The following PPP2R2B variants were observed in gnomAD, a reference collection of about 807,000 sequenced individuals.
The protein encoded by PPP2R2B is protein phosphatase 2 regulatory subunit Bbeta, also known as serine/threonine-protein phosphatase 2A 55 kDa regulatory subunit B beta isoform.
In PPP2R2B, 5 loss-of-function variants were observed where a neutral mutation model predicts 46.0. The observed-to-expected ratio is 0.11, with a 90% confidence interval of 0.06 to 0.23. The LOEUF is 0.23. Among genes scored for constraint, PPP2R2B ranks in the 10% least tolerant of loss-of-function variants. The pLI, the probability that PPP2R2B is intolerant of heterozygous loss-of-function variation, is 1.00. For missense variants in PPP2R2B, 367 were observed against 575.0 expected, an observed-to-expected ratio of 0.64 and a Z score of 3.70; for synonymous variants, 215 against 206.7, an observed-to-expected ratio of 1.04 and a Z score of -0.34.
chr5:146,874,949 T>C (rs932634131), intron 2 of PPP2R2B, among the ~76,000 whole-genome samples: 2 of 152,234 alleles, frequency 1.3e-5, no homozygotes, highest in African/African-American at 4.8e-5. Flanking sequence ...ATTTTATGCC[T>C]GATGGAAATA....
upstream of PPP2R2B, among the ~76,000 whole-genome samples, chr5:146,880,493 G>T (rs1762130924): frequency 1.3e-5 from 2 of 152,132 alleles, no homozygotes; most frequent in African/African-American, 4.8e-5. Context: ...ATTTGGAGTA[G>T]GAGCAGAGTG....
At chr5:146,893,662 A>C (rs1762556035) in intron 1 of PPP2R2B, among the ~76,000 whole-genome samples, 1 of 152,012 alleles carries the variant, frequency 6.6e-6, no homozygotes, top group Non-Finnish European at 1.5e-5. Context: ...AAAAATACAA[A>C]ATGAGAACAC....
At chr5:146,656,154 A>C (rs1289650821) in intron 5 of PPP2R2B, among the ~76,000 whole-genome samples, 4 of 152,162 alleles carry the variant, frequency 2.6e-5, no homozygotes, top group Non-Finnish European at 5.9e-5. Flanking sequence ...GTACATGAGG[A>C]AAACCTGAGT....
chr5:146,657,323 G>A (rs1004095921), intron 5 of PPP2R2B, among the ~76,000 whole-genome samples: 12 of 152,258 alleles, frequency 7.9e-5, no homozygotes, highest in South Asian at 2.1e-4. Context: ...GGCAAGACTC[G>A]GAGAAGAGAG....
intron 1 of PPP2R2B, among the ~76,000 whole-genome samples, chr5:146,889,188 T>A (rs977432907): frequency 1.3e-5 from 2 of 152,194 alleles, no homozygotes; most frequent in African/African-American, 4.8e-5. Context: ...AAACCTAGGA[T>A]GCTTATGTAG....
At chr5:146,637,769 C>G (rs1214543731) in intron 7 of PPP2R2B, among the ~76,000 whole-genome samples, 1 of 152,280 alleles carries the variant, frequency 6.6e-6, no homozygotes. Flanking sequence ...TCTCAGCCTC[C>G]CATGCAGTTC....
intron 1 of PPP2R2B, among the ~76,000 whole-genome samples, chr5:146,954,164 A>G (rs1751765947): frequency 1.3e-5 from 2 of 150,300 alleles, no homozygotes; most frequent in East Asian, 2.0e-4. Context: ...GAGCCATCAG[A>G]GCCAGTCTCT....
chr5:146,947,116 T>A (rs1056198064), intron 1 of PPP2R2B, among the ~76,000 whole-genome samples: 3 of 152,098 alleles, frequency 2.0e-5, no homozygotes, highest in Non-Finnish European at 4.4e-5. Flanking sequence ...TAGGGAAAAA[T>A]TCCATAATAT....
chr5:147,001,452 C>G (rs1754173297), intron 1 of PPP2R2B, among the ~76,000 whole-genome samples: 2 of 152,114 alleles, frequency 1.3e-5, no homozygotes, highest in Non-Finnish European at 2.9e-5. Context: ...TGTGGCTTCA[C>G]TCCTGAAGTC....
intron 2 of PPP2R2B, among the ~76,000 whole-genome samples, chr5:146,722,146 TG>T (rs768715655): frequency 1.3e-5 from 2 of 152,190 alleles, no homozygotes; most frequent in East Asian, 1.9e-4. Context: ...GAGAGCTTTT[TG>T]CTATAAACCA....
chr5:147,035,796 AG>A (rs758110775), intron 1 of PPP2R2B, among the ~76,000 whole-genome samples: 55 of 100,396 alleles, frequency 5.5e-4, no homozygotes, highest in Non-Finnish European at 1.1e-3. Flanking sequence ...TGAAAACTGA[AG>A]GGAAAAAAAA....
chr5:146,832,638 G>A (rs180986376), intron 2 of PPP2R2B, among the ~76,000 whole-genome samples: 3 of 151,980 alleles, frequency 2.0e-5, no homozygotes, highest in East Asian at 3.9e-4. Context: ...AGATCCACCT[G>A]CCTCGGCCTC....
intron 2 of PPP2R2B, chr5:146,707,014 A>T (rs1199855229): frequency 1.1e-5 from 11 of 1,003,874 alleles, no homozygotes; most frequent in Non-Finnish European, 1.7e-5. Context: ...AGCTTCATCC[A>T]CATCCTTCTT....
intron 7 of PPP2R2B, among the ~76,000 whole-genome samples, chr5:146,617,854 C>T (rs533358756): frequency 2.6e-4 from 40 of 152,176 alleles, no homozygotes; most frequent in African/African-American, 9.4e-4. Flanking sequence ...GCCACCACGC[C>T]CAGCTAATTT....
At chr5:147,078,756 C>T (rs1025386029) in intron 2 of PPP2R2B, among the ~76,000 whole-genome samples, 2 of 150,018 alleles carry the variant, frequency 1.3e-5, no homozygotes, top group African/African-American at 4.9e-5. Flanking sequence ...TGCAGTGAGC[C>T]GAGATCATGC....
chr5:146,619,299 T>C (rs1217542378), intron 7 of PPP2R2B, among the ~76,000 whole-genome samples: 1 of 133,520 alleles, frequency 7.5e-6, no homozygotes, highest in Non-Finnish European at 1.5e-5. Context: ...ACCCCGTCTC[T>C]ACTAAAAAAA....
At chr5:147,073,263 G>T (rs541450812) in intron 2 of PPP2R2B, among the ~76,000 whole-genome samples, 3 of 152,166 alleles carry the variant, frequency 2.0e-5, no homozygotes, top group Admixed American at 2.0e-4. Context: ...CTTACAAAGA[G>T]AACAGGATGT....
chr5:146,674,249 T>A (rs552100249), intron 5 of PPP2R2B, among the ~76,000 whole-genome samples: 1 of 152,186 alleles, frequency 6.6e-6, no homozygotes, highest in Admixed American at 6.5e-5. Context: ...ATGATAAAAC[T>A]GATATGGTGA....
rs202021652 is a variant in PPP2R2B, at chr5:146,590,242, C to T, written c.1053-16G>A. On this transcript the variant is annotated splice_polypyrimidine_tract_variant and intron_variant, in intron 9 of 9. Transcript: ENST00000394411. ...CATGATGACACTGCAAGGCAGAGAG[C>T]AAAGGCAATGACATATCTTCACTGT... The T allele has an allele frequency of 2.5e-6, 4 of 1,611,212 alleles. No individual in the cohort carries two copies. The highest frequency in any genetic ancestry group is 2.2e-5 in the East Asian group (1 of 44,864).
Sources: allele counts gnomAD v4.1 joint callset (sites outside exome capture counted in the v4.1 genomes callset), GRCh38; gene constraint gnomAD v4.1.1; transcripts MANE v1.5; gene names NCBI Gene and HGNC (gene_info 2026-07-23, HGNC 2026-07-21).